The following DNAAF6 variants were observed in gnomAD, a reference collection of about 807,000 sequenced individuals.
The protein encoded by DNAAF6 is dynein axonemal assembly factor 6.
Under a neutral mutation model 13.7 loss-of-function variants are expected in DNAAF6, and 3 were observed. The ratio of observed to expected loss-of-function variants is 0.22; its 90% CI spans 0.10 to 0.56. The LOEUF (loss-of-function observed/expected upper bound fraction) is 0.56, where lower values mean the gene tolerates loss of function less well. Among genes scored for constraint, DNAAF6 ranks in the 20% least tolerant of loss-of-function variants. The pLI is 0.92. For synonymous variants in DNAAF6, 54 were observed against 49.2 expected (o/e 1.10, Z -0.41); for missense variants, 130 against 151.0 (o/e 0.86, Z 0.73).
At chrX:107,234,021 T>C (rs1304991773) in intron 5 of DNAAF6, among the ~76,000 whole-genome samples, 1 of 111,612 alleles carries the variant, frequency 9.0e-6, no homozygotes, top group Non-Finnish European at 1.9e-5. Flanking sequence ...GTAGTGGTGG[T>C]GAGGCTATGA....
chrX:107,220,043 C>G (rs1379299601), intron 4 of DNAAF6, among the ~76,000 whole-genome samples: 1 of 111,665 alleles, frequency 9.0e-6, no homozygotes, highest in Non-Finnish European at 1.9e-5. Flanking sequence ...AGGCAATCCG[C>G]CCGCCTCAGC....
intron 5 of DNAAF6, among the ~76,000 whole-genome samples, chrX:107,228,030 G>A (rs1478481546): frequency 1.8e-5 from 2 of 111,560 alleles, no homozygotes; most frequent in Admixed American, 9.6e-5. Context: ...CACATGGTCT[G>A]GAATCCTTGA....
chrX:107,226,695 C>G (rs1271319014), intron 5 of DNAAF6, among the ~76,000 whole-genome samples: 1 of 111,867 alleles, frequency 8.9e-6, no homozygotes, highest in Non-Finnish European at 1.9e-5. Context: ...AGGGGAAAGG[C>G]AGCTTGCAGA....
chrX:107,221,346 C>A (rs1928135763), intron 4 of DNAAF6, among the ~76,000 whole-genome samples: 1 of 110,098 alleles, frequency 9.1e-6, no homozygotes, highest in Non-Finnish European at 1.9e-5. Context: ...CCTCAACCTC[C>A]CGGGCTCAAG....
At chrX:107,220,957 T>TTCTTTCTG (rs1460566345) in intron 4 of DNAAF6, among the ~76,000 whole-genome samples, 58 of 50,558 alleles carry the variant, frequency 1.1e-3, no homozygotes, top group African/African-American at 4.0e-3. Context: ...CTTTCTTTCT[T>TTCTTTCTG]TTTCTTTCTT....
intron 5 of DNAAF6, among the ~76,000 whole-genome samples, chrX:107,231,348 TG>T (rs992329800): frequency 5.0e-4 from 55 of 111,047 alleles, no homozygotes; most frequent in African/African-American, 1.7e-3. Context: ...AGGGGAAGTG[TG>T]GGGTTGGTTA....
At chrX:107,242,032 A>G (rs925623726) in intron 6 of DNAAF6, among the ~76,000 whole-genome samples, 2 of 112,230 alleles carry the variant, frequency 1.8e-5, no homozygotes, top group Non-Finnish European at 3.8e-5. Context: ...GATTTAAAGG[A>G]TGGACTCTAC....
At chrX:107,228,627 T>C (rs1452946808) in intron 5 of DNAAF6, among the ~76,000 whole-genome samples, 3 of 110,250 alleles carry the variant, frequency 2.7e-5, no homozygotes, top group Admixed American at 9.7e-5. Flanking sequence ...GAATTTTTTG[T>C]TTTTTTGAGA....
chrX:107,225,466 G>A (rs762281322), intron 5 of DNAAF6, among the ~76,000 whole-genome samples: 13 of 111,042 alleles, frequency 1.2e-4, no homozygotes, highest in Admixed American at 6.7e-4. Flanking sequence ...TGTGCAGTTC[G>A]TCTCAATATC....
At chrX:107,241,010 G>A (rs1031499967) in intron 6 of DNAAF6, among the ~76,000 whole-genome samples, 2 of 112,070 alleles carry the variant, frequency 1.8e-5, no homozygotes, top group Non-Finnish European at 3.8e-5. Flanking sequence ...AAATGAAATA[G>A]TTGAGTTGCA....
At position 107,213,031 on chromosome X, in the gene DNAAF6, G is replaced by C; in HGVS notation, c.153+3G>C. The stretch of plus-strand genomic sequence containing the variant: ...AGGATGATTCTGACTATGGACAGGT[G>C]GTCATATACTTAACAGTTGAATTAG... On this transcript the variant is annotated splice_donor_region_variant and intron_variant, in intron 2 of 6. Transcript: ENST00000372453. The C allele has an allele frequency of 8.5e-7, 1 of 1,176,782 alleles. No individual in the cohort carries two copies. Among genetic ancestry groups the C allele is most frequent in the Admixed American group, 2.5e-5 (1 of 39,351 alleles).
rs202216661 is a variant in DNAAF6, at chrX:107,216,723, C to A, written c.206C>A (p.Pro69His). 8.4e-7 allele frequency: 1 copy of A among 1,192,690 alleles called. No individual in the cohort carries two copies. The highest frequency in any genetic ancestry group is 1.8e-5 in the African/African-American group (1 of 56,657). Residue 69 changes from proline (P) to histidine (H), a missense_variant, in exon 3 of 7, where the codon CCC becomes CAC. Physicochemically the swap from Pro to His is moderately conservative, Grantham distance 77. Coordinates refer to ENST00000372453, the MANE Select transcript of DNAAF6 (RefSeq NM_173494.2). Reference protein sequence around the residue: ...GAMGPGNIGPPQIEELKVIPE... With the variant: ...GAMGPGNIGPHQIEELKVIPE... ...ATGGGTCCTGGGAATATTGGACCAC[C>A]CCAAATAGAAGAGCTCAAAGGTAAG...
chrX:107,222,136 T>C (rs1467474378), intron 4 of DNAAF6, among the ~76,000 whole-genome samples: 3 of 110,751 alleles, frequency 2.7e-5, no homozygotes, highest in Admixed American at 9.6e-5. Flanking sequence ...CTAAGCACTA[T>C]GGTGTAGCTG....
At chrX:107,241,230 A>G (rs1928617310) in intron 6 of DNAAF6, among the ~76,000 whole-genome samples, 1 of 112,086 alleles carries the variant, frequency 8.9e-6, no homozygotes, top group Non-Finnish European at 1.9e-5. Context: ...ATATAAGTAT[A>G]AGCATGTAAG....
chrX:107,215,769 G>A (rs760990761), intron 2 of DNAAF6, among the ~76,000 whole-genome samples: 1 of 111,850 alleles, frequency 8.9e-6, no homozygotes, highest in Non-Finnish European at 1.9e-5. Context: ...AAGAGAGATA[G>A]AGGTGCTAGT....
intron 5 of DNAAF6, among the ~76,000 whole-genome samples, chrX:107,228,218 T>C (rs73519021): frequency 0.055 from 6,105 of 111,424 alleles, 420 homozygotes; most frequent in African/African-American, 0.19. Flanking sequence ...AGAAAGAACT[T>C]TGAGATTTGT....
At chrX:107,233,420 G>A (rs181858398) in intron 5 of DNAAF6, among the ~76,000 whole-genome samples, 6 of 111,304 alleles carry the variant, frequency 5.4e-5, no homozygotes, top group African/African-American at 1.6e-4. Flanking sequence ...TCCTCATGCT[G>A]TACCTTAGAG....
rs754888127 is a variant in DNAAF6, at chrX:107,225,075, A to T, written c.429+2234A>T. 1.3e-4 allele frequency among the ~76,000 whole-genome samples: 14 copies of T among 108,776 alleles called. No homozygotes were observed. In the East Asian group the frequency reaches 3.3e-3, roughly 25 times the overall value. The allele number at this position is 108,776 out of a possible 115,157, so 94.5% of individuals were successfully genotyped here. On this transcript the variant is annotated intron_variant, in intron 5 of 6. Transcript: ENST00000372453. ...AGAGCACGTGGAAAGGTATCCAGGC[A>T]TGAAATAGCATGGCATATTTGAGTA...
intron 5 of DNAAF6, among the ~76,000 whole-genome samples, chrX:107,233,785 C>G (rs949216158): frequency 2.7e-5 from 3 of 110,550 alleles, no homozygotes; most frequent in African/African-American, 9.9e-5. Context: ...TGAGAATATT[C>G]AAAGAGGCTA....
Sources: gnomAD v4.1 joint callset for allele counts (sites outside exome capture counted in the v4.1 genomes callset) on GRCh38, gnomAD v4.1.1 for gene constraint, MANE v1.5 for transcripts, NCBI Gene and HGNC (gene_info 2026-07-23, HGNC 2026-07-21) for gene names.